The following BLOC1S3 variants were observed in gnomAD, a reference collection of about 807,000 sequenced individuals.
The protein encoded by BLOC1S3 is biogenesis of lysosomal organelles complex 1 subunit 3, also known as biogenesis of lysosome-related organelles complex 1 subunit 3.
A neutral mutation model predicts 9.1 loss-of-function variants in BLOC1S3; 7 were observed. That is an observed-to-expected ratio of 0.77 (90% confidence interval 0.44 to 1.45). The LOEUF (loss-of-function observed/expected upper bound fraction) is 1.45. Ranked by LOEUF, BLOC1S3 falls within the 40% of genes most tolerant of loss-of-function variation. The pLI, the probability that BLOC1S3 is intolerant of heterozygous loss-of-function variation, is 0.01. For synonymous variants in BLOC1S3, 145 were observed against 158.4 expected (o/e 0.92, Z 0.64); for missense variants, 307 against 315.2 (o/e 0.97, Z 0.20).
intron 2 of BLOC1S3, among the ~76,000 whole-genome samples, chr19:45,190,879 C>T (rs1969602169): frequency 7.4e-6 from 1 of 135,896 alleles, no homozygotes; most frequent in South Asian, 2.4e-4. Flanking sequence ...AATCTCGGCT[C>T]ACTGCAAGCT....
chr19:45,184,788 T>C (rs567288303), downstream of BLOC1S3, among the ~76,000 whole-genome samples: 84 of 150,602 alleles, frequency 5.6e-4, no homozygotes, highest in African/African-American at 2.1e-3. Flanking sequence ...TGGTCCAAGC[T>C]ACTCGGGAGG....
chr19:45,185,097 A>G (rs151013145), downstream of BLOC1S3, among the ~76,000 whole-genome samples: 203 of 152,050 alleles, frequency 1.3e-3, no homozygotes, highest in African/African-American at 4.1e-3. Flanking sequence ...GTCCTGCAGT[A>G]GGTAAGAAGG....
chr19:45,213,285 G>A (rs375095520), intron 3 of BLOC1S3: 134 of 1,613,766 alleles, frequency 8.3e-5, no homozygotes, highest in African/African-American at 3.9e-4. Context: ...CCCGGGCCAC[G>A]GCCAGGATCT....
intron 3 of BLOC1S3, among the ~76,000 whole-genome samples, chr19:45,206,833 TTATTA>T (rs1026631740): frequency 6.6e-6 from 1 of 151,868 alleles, no homozygotes; most frequent in Non-Finnish European, 1.5e-5. Flanking sequence ...GCTCTTTGTT[TTATTA>T]TTTTATTTAT....
chr19:45,182,434 G>A (rs781558733), downstream of BLOC1S3, among the ~76,000 whole-genome samples: 4 of 151,126 alleles, frequency 2.6e-5, no homozygotes, highest in Non-Finnish European at 2.9e-5. Flanking sequence ...TTGGGAGATC[G>A]AGGTAGGCAG....
chr19:45,195,709 C>T (rs1022727912), intron 2 of BLOC1S3, among the ~76,000 whole-genome samples: 9 of 152,090 alleles, frequency 5.9e-5, no homozygotes, highest in African/African-American at 2.2e-4. Flanking sequence ...ATTCTCCTGC[C>T]TCAGCCTCCC....
At chr19:45,193,770 T>C (rs1355350523) in intron 2 of BLOC1S3, among the ~76,000 whole-genome samples, 1 of 145,360 alleles carries the variant, frequency 6.9e-6, no homozygotes, top group Non-Finnish European at 1.5e-5. Context: ...GTCACTGAAG[T>C]TTCTATTCCA....
At chr19:45,210,289 CTTTTTTTT>C (rs71173125) in intron 3 of BLOC1S3, among the ~76,000 whole-genome samples, 2 of 74,434 alleles carry the variant, frequency 2.7e-5, no homozygotes, top group African/African-American at 1.1e-4. Flanking sequence ...ACTATTTTAA[CTTTTTTTT>C]TTTTTTTTTT....
At chr19:45,201,075 C>T (rs1329776888) in intron 2 of BLOC1S3, among the ~76,000 whole-genome samples, 3 of 151,952 alleles carry the variant, frequency 2.0e-5, no homozygotes, top group East Asian at 1.9e-4. Context: ...TAGGGGTGGG[C>T]GCCTGTAGTC....
At chr19:45,192,427 C>T (rs1969613062) in intron 2 of BLOC1S3, among the ~76,000 whole-genome samples, 1 of 152,140 alleles carries the variant, frequency 6.6e-6, no homozygotes, top group Non-Finnish European at 1.5e-5. Context: ...TGTGGCCGAG[C>T]TGGTAACTAA....
Position 45,180,095 on chromosome 19 carries a change from C to G in BLOC1S3, c.*190C>G, listed in dbSNP as rs1969495445. 2 of 599,216 alleles carry G rather than the reference C, an allele frequency of 3.3e-6. No individual in the cohort carries two copies. Among genetic ancestry groups the G allele is most frequent in the Non-Finnish European group, 5.6e-6 (2 of 357,556 alleles). 37.1% of individuals were successfully genotyped at this position (599,216 alleles called of 1,614,324 possible). ...TATAGTTCAACCCCTACTGCGGAGA[C>G]CAGGGCCCCACTATCCTTAGATCTG... On this transcript the variant is annotated 3_prime_UTR_variant, in exon 2 of 2. Transcript: ENST00000433642.
chr19:45,210,687 T>C (rs1969762660), intron 3 of BLOC1S3, among the ~76,000 whole-genome samples: 1 of 151,988 alleles, frequency 6.6e-6, no homozygotes, highest in Non-Finnish European at 1.5e-5. Context: ...AACTGCAACC[T>C]TGAACACCTG....
chr19:45,215,594 A>G (rs188515109), intron 3 of BLOC1S3, among the ~76,000 whole-genome samples: 8 of 152,234 alleles, frequency 5.3e-5, no homozygotes, highest in Non-Finnish European at 1.2e-4. Context: ...GATGATGATA[A>G]ATTTCCCTAA....
intron 2 of BLOC1S3, among the ~76,000 whole-genome samples, chr19:45,193,043 G>T (rs1377463795): frequency 7.4e-6 from 1 of 135,982 alleles, no homozygotes; most frequent in Non-Finnish European, 1.5e-5. Flanking sequence ...TGAGGCAGGA[G>T]AATACTTGAA....
chr19:45,209,533 T>C (rs1301909115), intron 3 of BLOC1S3, among the ~76,000 whole-genome samples: 1 of 152,176 alleles, frequency 6.6e-6, no homozygotes, highest in African/African-American at 2.4e-5. Context: ...TCCATTCTCC[T>C]GCCTCAGCCT....
intron 2 of BLOC1S3, among the ~76,000 whole-genome samples, chr19:45,191,368 G>A (rs1878961928): frequency 6.6e-6 from 1 of 151,920 alleles, no homozygotes; most frequent in Admixed American, 6.6e-5. Context: ...TGATCTGCCC[G>A]CCTCGGCCTC....
In BLOC1S3 at chr19:45,189,596, C is replaced by T. The variant is rs534513957; in HGVS notation, n.180+1856C>T. 2.3e-3 allele frequency among the ~76,000 whole-genome samples: 271 copies of T among 115,916 alleles called. 1 individual carries two copies. Among genetic ancestry groups the T allele is most frequent in the African/African-American group, 7.2e-3 (224 of 31,216 alleles). The allele number at this position is 115,916 out of a possible 152,430, so 76.0% of individuals were successfully genotyped here. On this transcript the variant is annotated intron_variant and non_coding_transcript_variant, in intron 2 of 3. Coordinates refer to the BLOC1S3 transcript ENST00000591569. ...TATAGGCATGTGCCACCAAGCCTGG[C>T]TTTTTTTTTTTTTTTTTTGGTATTT... is the stretch of plus-strand genomic sequence containing the variant.
intron 2 of BLOC1S3, among the ~76,000 whole-genome samples, chr19:45,191,154 C>T (rs1358893081): frequency 6.8e-6 from 1 of 146,382 alleles, no homozygotes; most frequent in Non-Finnish European, 1.5e-5. Flanking sequence ...CAGAGTTTTG[C>T]TCTTGTTGCC....
chr19:45,179,409 A>G lies in BLOC1S3; in HGVS notation c.113A>G (p.Glu38Gly). ...ERSASSSEEE[E>G]LYLGPSGPTR... ...TCTGCGTCCTCGTCGGAGGAGGAGG[A>G]GCTGTACCTGGGTCCTTCGGGCCCG... is the stretch of plus-strand genomic sequence containing the variant. Residue 38 changes from glutamate to glycine, a missense_variant, in exon 2 of 2, where the codon GAG becomes GGG. By Grantham distance (98) the Glu-to-Gly change is moderately conservative. Transcript: ENST00000433642. This position sits in a 1 kb window ranked among gnomAD's most constrained non-coding sequence, Gnocchi z 4.6. 1 of 1,564,928 alleles carries G rather than the reference A, an allele frequency of 6.4e-7. No individual in the cohort carries two copies. The highest frequency in any genetic ancestry group is 8.6e-7 in the Non-Finnish European group (1 of 1,163,318).
Sources: allele counts gnomAD v4.1 joint callset (sites outside exome capture counted in the v4.1 genomes callset), GRCh38; gene constraint gnomAD v4.1.1; non-coding constraint Gnocchi (gnomAD v3.1); transcripts MANE v1.5; gene names NCBI Gene and HGNC (gene_info 2026-07-23, HGNC 2026-07-21).